Variants in C13orf42 observed in about 807,000 individuals in gnomAD.
C13orf42 encodes the protein uncharacterized protein C13orf42.
intron 1 of C13orf42, among the ~76,000 whole-genome samples, chr13:51,096,872 C>T (rs1371320690): frequency 1.3e-5 from 2 of 152,196 alleles, no homozygotes; most frequent in Non-Finnish European, 2.9e-5. Context: ...AAAACTATAA[C>T]AAACATTCAA....
chr13:51,085,396 C>T lies in C13orf42; in HGVS notation c.726G>A (p.Arg242=), dbSNP rs1953110825. 2.5e-6 allele frequency: 1 copy of T among 398,534 alleles called. No homozygotes were observed. The highest frequency in any genetic ancestry group is 4.4e-6 in the Non-Finnish European group (1 of 226,056). The allele number at this position is 398,534 out of a possible 1,614,324, so 24.7% of individuals were successfully genotyped here. A position where few individuals can be genotyped will look rare whatever the true frequency, so the allele number is the denominator to read the frequency against. Reference sequence around the variant, plus strand: ...CAGCCTTGGGCAAATAAATGGGGTGCCTCTCGAGTCTCCTCTGAGTGCCCA... The same window carrying T: ...CAGCCTTGGGCAAATAAATGGGGTGTCTCTCGAGTCTCCTCTGAGTGCCCA... ...RTVGTQRRLE[R]HPIYLPKAVE... The change falls in exon 3 of 4, where the codon AGG becomes AGA. Residue 242 remains arginine, a synonymous_variant. Transcript: ENST00000563710.
intron 1 of C13orf42, among the ~76,000 whole-genome samples, chr13:51,135,558 C>A (rs756600823): frequency 4.0e-5 from 6 of 151,208 alleles, no homozygotes; most frequent in Non-Finnish European, 7.4e-5. Flanking sequence ...TAGACTGTAG[C>A]AAGAAGATTG....
At chr13:51,087,101 A>G (rs1286448622) in intron 2 of C13orf42, among the ~76,000 whole-genome samples, 1 of 152,240 alleles carries the variant, frequency 6.6e-6, no homozygotes, top group East Asian at 1.9e-4. Context: ...AATTTACACC[A>G]TGGTGGGCAA....
At chr13:51,158,176 A>G (rs758338214) in intron 1 of C13orf42, among the ~76,000 whole-genome samples, 4 of 152,202 alleles carry the variant, frequency 2.6e-5, no homozygotes, top group Non-Finnish European at 4.4e-5. Flanking sequence ...ATCCCACAAT[A>G]AGTAGAGATG....
At chr13:51,154,549 T>A (rs1489296718) in intron 1 of C13orf42, among the ~76,000 whole-genome samples, 1 of 152,194 alleles carries the variant, frequency 6.6e-6, no homozygotes, top group Admixed American at 6.5e-5. Flanking sequence ...GACCTGATAG[T>A]GTCACCACCA....
intron 1 of C13orf42, among the ~76,000 whole-genome samples, chr13:51,109,814 A>G (rs2138002173): frequency 6.6e-6 from 1 of 152,230 alleles, no homozygotes; most frequent in Admixed American, 6.5e-5. Flanking sequence ...CCGGCTCATA[A>G]TTAAAATTAG....
At chr13:51,118,569 G>A (rs1415112277) in intron 1 of C13orf42, among the ~76,000 whole-genome samples, 2 of 152,218 alleles carry the variant, frequency 1.3e-5, no homozygotes, top group Non-Finnish European at 2.9e-5. Flanking sequence ...CCCTGATGGG[G>A]GGCTTTCAAG....
At chr13:51,106,527 C>T (rs976846538) in intron 1 of C13orf42, among the ~76,000 whole-genome samples, 7 of 152,204 alleles carry the variant, frequency 4.6e-5, no homozygotes, top group African/African-American at 1.7e-4. Flanking sequence ...TTCTCTTCGT[C>T]AGGAGCATGG....
intron 1 of C13orf42, among the ~76,000 whole-genome samples, chr13:51,118,278 C>G (rs9568525): frequency 0.27 from 41,647 of 152,158 alleles, 6,649 homozygotes; most frequent in Non-Finnish European, 0.37. Flanking sequence ...AAACAACTTT[C>G]TAGCTTTTCA....
chr13:51,114,651 T>TAGACAGAC (rs59801187), upstream of C13orf42, among the ~76,000 whole-genome samples: 3 of 142,378 alleles, frequency 2.1e-5, no homozygotes, highest in Non-Finnish European at 4.7e-5. Context: ...TAGATAGAGA[T>TAGACAGAC]AGACAGACAG....
chr13:51,156,204 G>A (rs8001114), intron 1 of C13orf42, among the ~76,000 whole-genome samples: 32,836 of 152,064 alleles, frequency 0.22, 4,113 homozygotes, highest in Admixed American at 0.31. Flanking sequence ...TAGGAGGGAG[G>A]TAGGGAGCAA....
At chr13:51,143,479 A>T (rs952926844) in intron 1 of C13orf42, among the ~76,000 whole-genome samples, 1 of 123,800 alleles carries the variant, frequency 8.1e-6, no homozygotes, top group Non-Finnish European at 1.7e-5. Context: ...AGACTTATGG[A>T]AGTTATATTA....
intron 1 of C13orf42, among the ~76,000 whole-genome samples, chr13:51,123,296 C>T (rs1953550730): frequency 6.6e-6 from 1 of 152,238 alleles, no homozygotes; most frequent in Non-Finnish European, 1.5e-5. Flanking sequence ...TATTGCAGAT[C>T]AGCTGGGGGC....
chr13:51,095,491 T>C (rs1208080248), intron 1 of C13orf42, among the ~76,000 whole-genome samples: 1 of 152,190 alleles, frequency 6.6e-6, no homozygotes, highest in Admixed American at 6.5e-5. Context: ...CTTGATGTTG[T>C]CCCATAGTTC....
At chr13:51,134,276 A>G (rs1159363548) in intron 1 of C13orf42, among the ~76,000 whole-genome samples, 4 of 152,144 alleles carry the variant, frequency 2.6e-5, no homozygotes, top group Non-Finnish European at 4.4e-5. Context: ...AACATATTCA[A>G]TGACCACCAC....
At chr13:51,124,389 C>T (rs1347925633) in intron 1 of C13orf42, among the ~76,000 whole-genome samples, 1 of 152,178 alleles carries the variant, frequency 6.6e-6, no homozygotes, top group African/African-American at 2.4e-5. Flanking sequence ...CTTGATAAAT[C>T]GGCTGTCTAG....
chr13:51,097,246 T>A (rs1953243997), intron 1 of C13orf42, among the ~76,000 whole-genome samples: 1 of 152,366 alleles, frequency 6.6e-6, no homozygotes. Context: ...TGTCATTTTG[T>A]ATTTTGCCTG....
At chr13:51,143,122 CTGG>C (rs1405867390) in intron 1 of C13orf42, among the ~76,000 whole-genome samples, 2 of 152,148 alleles carry the variant, frequency 1.3e-5, no homozygotes, top group Non-Finnish European at 2.9e-5. Context: ...CTTTTAACTC[CTGG>C]GTCCAAAAAG....
At chr13:51,094,239 G>A (rs1953210094) in intron 1 of C13orf42, among the ~76,000 whole-genome samples, 1 of 152,072 alleles carries the variant, frequency 6.6e-6, no homozygotes, top group African/African-American at 2.4e-5. Flanking sequence ...AGTTGGAAGT[G>A]GCATTTAGAC....
Sources: allele counts gnomAD v4.1 joint callset (sites outside exome capture counted in the v4.1 genomes callset), GRCh38; gene constraint gnomAD v4.1.1; transcripts MANE v1.5; gene names NCBI Gene and HGNC (gene_info 2026-07-23, HGNC 2026-07-21).